The following PRKN variants were observed in gnomAD, a reference collection of about 807,000 sequenced individuals.
The protein encoded by PRKN is parkin RBR E3 ubiquitin protein ligase.
Under a neutral mutation model 59.5 loss-of-function variants are expected in PRKN, and 56 were observed. That is an observed-to-expected ratio of 0.94 (90% CI 0.76 to 1.18). The LOEUF is 1.18. PRKN is among the 50% of genes most tolerant of loss of function. PRKN has a pLI of 0.00. For missense variants in PRKN, 657 were observed against 596.4 expected (o/e 1.10, Z -1.06); for synonymous variants, 250 against 222.1 (o/e 1.13, Z -1.12).
chr6:162,020,477 T>C (rs962000103), intron 5 of PRKN, among the ~76,000 whole-genome samples: 2 of 144,264 alleles, frequency 1.4e-5, no homozygotes, highest in African/African-American at 4.9e-5. Flanking sequence ...TTCATTTGAA[T>C]ATCAAAAAGT....
At position 161,442,759 on chromosome 6, in the gene PRKN, C is replaced by T. The variant is rs146399302; in HGVS notation, c.1084-55882G>A. Among the ~76,000 whole-genome samples the T allele has an allele frequency of 9.2e-5, 14 of 152,360 alleles. No homozygotes were observed. The East Asian group carries it at 2.3e-3, about 25-fold the overall frequency. ...AGTTGCTAGAATGCAGCCGTGGAGA[C>T]GAACAGCTTACCGAGAGCCTCTGCC... On this transcript the variant is annotated intron_variant, in intron 9 of 11. Coordinates refer to ENST00000366898, the MANE Select transcript of PRKN (RefSeq NM_004562.3). This position sits in a 1 kb window ranked among gnomAD's most constrained non-coding sequence, Gnocchi z 4.6.
intron 6 of PRKN, among the ~76,000 whole-genome samples, chr6:161,912,426 C>T (rs998814929): frequency 1.3e-5 from 2 of 151,570 alleles, no homozygotes; most frequent in Non-Finnish European, 2.9e-5. Context: ...CCCCCACCCT[C>T]GTGAATCTGA....
At chr6:162,292,621 C>T (rs1583325824) in intron 2 of PRKN, among the ~76,000 whole-genome samples, 1 of 152,132 alleles carries the variant, frequency 6.6e-6, no homozygotes, top group East Asian at 1.9e-4. Context: ...ACCTAGAGCC[C>T]ATAAGAAGAT....
intron 6 of PRKN, among the ~76,000 whole-genome samples, chr6:161,877,461 A>ATTTT (rs35664661): frequency 2.4e-4 from 34 of 141,338 alleles, no homozygotes; most frequent in African/African-American, 8.7e-4. Context: ...ACATATTTGC[A>ATTTT]TTTTTTTTTT....
rs780418405 is a variant in PRKN at position 161,783,716 on chromosome 6, A to G, written c.871+2056T>C. On this transcript the variant is annotated intron_variant, in intron 7 of 11. Coordinates refer to ENST00000366898, the MANE Select transcript of PRKN (RefSeq NM_004562.3). ...ACAAAATTGTCACATTAAAAGCATTACAGAGTTTTCCAATCTGTAAATAAT... is the reference window on the plus strand; with the variant it reads ...ACAAAATTGTCACATTAAAAGCATTGCAGAGTTTTCCAATCTGTAAATAAT... The G allele has an allele frequency of 3.0e-5, 15 of 497,834 alleles. No individual in the cohort carries two copies. In the East Asian group the frequency reaches 8.0e-4, roughly 26 times the overall value. The allele number at this position is 497,834 out of a possible 1,614,324, so 30.8% of individuals were successfully genotyped here. A position where few individuals can be genotyped will look rare whatever the true frequency, so the allele number is the denominator to read the frequency against.
chr6:162,611,570 C>G (rs1029731606), intron 1 of PRKN, among the ~76,000 whole-genome samples: 4 of 152,124 alleles, frequency 2.6e-5, no homozygotes, highest in African/African-American at 9.7e-5. Flanking sequence ...ATCACACCTC[C>G]AGTACAAGGG....
At position 161,451,763 on chromosome 6, in the gene PRKN, T is replaced by C. The variant is rs1789747874; in HGVS notation, c.1084-64886A>G. Among the ~76,000 whole-genome samples the C allele has an allele frequency of 6.6e-6, 1 of 152,170 alleles. No homozygotes were observed. Among genetic ancestry groups the C allele is most frequent in the African/African-American group, 2.4e-5 (1 of 41,438 alleles). On this transcript the variant is annotated intron_variant, in intron 9 of 11. Coordinates refer to ENST00000366898, the MANE Select transcript of PRKN (RefSeq NM_004562.3). This position sits in a 1 kb window ranked among gnomAD's most constrained non-coding sequence, Gnocchi z 5.9. Reference sequence around the variant, plus strand: ...GCCAACAGTGACAGCAGGTGGCCCATGAGTGAAACTTAGAGAATTAGGGGA... The same window carrying C: ...GCCAACAGTGACAGCAGGTGGCCCACGAGTGAAACTTAGAGAATTAGGGGA...
At chr6:161,420,103 T>A (rs1788024308) in intron 9 of PRKN, among the ~76,000 whole-genome samples, 1 of 151,880 alleles carries the variant, frequency 6.6e-6, no homozygotes, top group Non-Finnish European at 1.5e-5. Context: ...CTGGGTGTGG[T>A]AGCACGTGCC....
intron 1 of PRKN, among the ~76,000 whole-genome samples, chr6:162,661,729 A>G (rs74451631): frequency 0.058 from 8,771 of 152,342 alleles, 386 homozygotes; most frequent in South Asian, 0.086. Context: ...TGTATTTAAC[A>G]TATTCTTTAG....
At chr6:161,469,106 GT>G (rs146267857) in intron 9 of PRKN, among the ~76,000 whole-genome samples, 14,956 of 152,212 alleles carry the variant, frequency 0.098, 1,523 homozygotes, top group African/African-American at 0.26. Context: ...AGCATTCATG[GT>G]TTGGTTCTGT....
intron 7 of PRKN, among the ~76,000 whole-genome samples, chr6:161,622,994 T>A (rs915986063): frequency 6.6e-6 from 1 of 152,232 alleles, no homozygotes; most frequent in Admixed American, 6.5e-5. Context: ...ATGTCTCTTT[T>A]CTTTTCCGCT....
intron 2 of PRKN, among the ~76,000 whole-genome samples, chr6:162,414,436 G>A (rs1046656287): frequency 3.3e-5 from 5 of 151,830 alleles, no homozygotes; most frequent in Non-Finnish European, 7.4e-5. Flanking sequence ...TGCCGGGCGT[G>A]GTGGCTCACA....
chr6:162,286,209 G>A (rs1240509532), intron 2 of PRKN, among the ~76,000 whole-genome samples: 1 of 150,074 alleles, frequency 6.7e-6, no homozygotes, highest in Non-Finnish European at 1.5e-5. Flanking sequence ...TGCCACATTA[G>A]GGCACAGGTT....
At chr6:161,580,519 C>T (rs965851980) in intron 7 of PRKN, among the ~76,000 whole-genome samples, 1 of 152,036 alleles carries the variant, frequency 6.6e-6, no homozygotes, top group African/African-American at 2.4e-5. Flanking sequence ...GCTCTGTCAC[C>T]AGGCTGGAGT....
chr6:162,048,717 T>C (rs1008510159), intron 5 of PRKN, among the ~76,000 whole-genome samples: 2 of 84,742 alleles, frequency 2.4e-5, no homozygotes, highest in South Asian at 4.2e-4. Context: ...AAATAGCTGA[T>C]GAACTAAAAA....
Position 161,352,755 on chromosome 6 carries a change from G to GTGTGTATATATATA in PRKN, c.1286-2545_1286-2544insTATATATATACACA, listed in dbSNP as rs766949960. On this transcript the variant is annotated intron_variant, in intron 11 of 11. Coordinates refer to ENST00000366898, the MANE Select transcript of PRKN (RefSeq NM_004562.3). The surrounding 1 kb of genome is among the most constrained non-coding windows in gnomAD (Gnocchi z 5.8). ...TGTGTGTGTGTGTGTGTGTGTGTGT[G>GTGTGTATATATATA]TATATATATATATATATTTTATTTT... Among the ~76,000 whole-genome samples the GTGTGTATATATATA allele has an allele frequency of 1.3e-4, 17 of 134,378 alleles. No individual in the cohort carries two copies. The highest frequency in any genetic ancestry group is 4.8e-4 in the African/African-American group (17 of 35,726). 88.2% of individuals were successfully genotyped at this position (134,378 alleles called of 152,430 possible).
intron 1 of PRKN, chr6:162,568,980 C>T (rs995398501): frequency 4.0e-5 from 27 of 678,868 alleles, no homozygotes; most frequent in Non-Finnish European, 6.7e-5. Context: ...GATCAATTTC[C>T]TCAGGCAGCT....
At chr6:161,491,370 A>C (rs1777550586) in intron 9 of PRKN, among the ~76,000 whole-genome samples, 1 of 152,288 alleles carries the variant, frequency 6.6e-6, no homozygotes, top group South Asian at 2.1e-4. Flanking sequence ...GGTTTGTTTC[A>C]GGATGCTCTA....
intron 2 of PRKN, among the ~76,000 whole-genome samples, chr6:162,392,847 T>C (rs1478754766): frequency 6.6e-6 from 1 of 152,194 alleles, no homozygotes; most frequent in Non-Finnish European, 1.5e-5. Context: ...CACTTGTATT[T>C]GAGAATACAC....
Sources: allele counts gnomAD v4.1 joint callset (sites outside exome capture counted in the v4.1 genomes callset), GRCh38; gene constraint gnomAD v4.1.1; non-coding constraint Gnocchi (gnomAD v3.1); transcripts MANE v1.5; gene names NCBI Gene and HGNC (gene_info 2026-07-23, HGNC 2026-07-21).